Variants in TMC2 observed in about 807,000 individuals in gnomAD.
TMC2 encodes transmembrane channel like 2.
A neutral mutation model predicts 105.9 loss-of-function variants in TMC2; 102 were observed. That is an observed-to-expected ratio of 0.96 (90% CI 0.82 to 1.14). TMC2 has a LOEUF of 1.14. TMC2 is among the 50% of genes most tolerant of loss of function. The pLI, the probability that TMC2 is intolerant of heterozygous loss-of-function variation, is 0.00. For missense variants in TMC2, 1,093 were observed against 1,134.3 expected (o/e 0.96, Z 0.52); for synonymous variants, 402 against 422.8 (o/e 0.95, Z 0.60).
In TMC2 at chr20:2,612,185, T is replaced by C. The variant is rs746640531; in HGVS notation, c.1594-6T>C. 2 of 1,592,310 alleles carry C rather than the reference T, an allele frequency of 1.3e-6. No individual in the cohort carries two copies. The highest frequency in any genetic ancestry group is 1.7e-6 in the Non-Finnish European group (2 of 1,164,602). On this transcript the variant is annotated splice_polypyrimidine_tract_variant and splice_region_variant and intron_variant, in intron 12 of 19. Transcript: ENST00000358864. ...TCCTACCCCACACCTCCATCTTCTG[T>C]TCTAGCTTGCTAATGAAGAGACAAT...
chr20:2,627,054 C>T (rs1407846516), intron 17 of TMC2, among the ~76,000 whole-genome samples: 1 of 152,142 alleles, frequency 6.6e-6, no homozygotes, highest in Non-Finnish European at 1.5e-5. Context: ...ATGTGCCTAA[C>T]CACAAGAAAC....
Position 2,616,434 on chromosome 20 carries a change from A to G in TMC2, c.1940+230A>G, listed in dbSNP as rs145096956. On this transcript the variant is annotated intron_variant, in intron 15 of 19. Coordinates refer to ENST00000358864, the MANE Select transcript of TMC2 (RefSeq NM_080751.3). This position sits in a 1 kb window ranked among gnomAD's most constrained non-coding sequence, Gnocchi z 4.8. ...GAGAGAAAGGGAGAGGGGTTGGTGG[A>G]GGAGAAAAGGAAAAGGAAGGAAGGC... is the stretch of plus-strand genomic sequence containing the variant. 0.021 allele frequency among the ~76,000 whole-genome samples: 3,177 copies of G among 151,936 alleles called. 106 individuals are homozygous for G. The highest frequency in any genetic ancestry group is 0.07 in the African/African-American group (2,892 of 41,294).
At chr20:2,537,932 C>T (rs1384163363) in intron 2 of TMC2, among the ~76,000 whole-genome samples, 1 of 152,266 alleles carries the variant, frequency 6.6e-6, no homozygotes, top group East Asian at 1.9e-4. Context: ...GTTTTCTCCC[C>T]CTTCACGTCC....
In TMC2 at chr20:2,572,651, G is replaced by T. The variant is rs544511046; in HGVS notation, c.645+382G>T. Among the ~76,000 whole-genome samples the T allele has an allele frequency of 1.6e-3, 244 of 152,306 alleles. 1 individual carries two copies. Among genetic ancestry groups the T allele is most frequent in the African/African-American group, 5.6e-3 (234 of 41,574 alleles). On this transcript the variant is annotated intron_variant, in intron 5 of 19. Coordinates refer to ENST00000358864, the MANE Select transcript of TMC2 (RefSeq NM_080751.3). ...TGGATGATAAACAGCGATGTCCCCAGACGGATGGGGGCAGCTCTGTTTTGT... is the reference window on the plus strand; with the variant it reads ...TGGATGATAAACAGCGATGTCCCCATACGGATGGGGGCAGCTCTGTTTTGT...
At chr20:2,594,225 C>CTTGTTTTTTT (rs2086288158) in intron 8 of TMC2, among the ~76,000 whole-genome samples, 1 of 113,760 alleles carries the variant, frequency 8.8e-6, no homozygotes, top group Non-Finnish European at 1.8e-5. Context: ...CTAAGGATTC[C>CTTGTTTTTTT]TTTTTTTTTT....
At chr20:2,539,391 G>GAAAA (rs1369631144) in intron 2 of TMC2, among the ~76,000 whole-genome samples, 1 of 152,002 alleles carries the variant, frequency 6.6e-6, no homozygotes, top group Admixed American at 6.6e-5. Context: ...TTACAGCTCA[G>GAAAA]AAAAAAAATT....
chr20:2,610,473 A>G lies in TMC2; in HGVS notation c.1468A>G (p.Ile490Val). The G allele has an allele frequency of 6.2e-7, 1 of 1,613,678 alleles. No individual in the cohort carries two copies. The change falls in exon 12 of 20, where the codon ATC becomes GTC. Residue 490 changes from isoleucine (I) to valine (V), a missense_variant. By Grantham distance (29) the Ile-to-Val change is conservative (BLOSUM62 3). Transcript: ENST00000358864. Reference sequence around the variant, plus strand: ...GTTTTGTCCCCCTCTGTTTGAAACCATCGCTGCCCTGGAGAATTACCACCC... The same window carrying G: ...GTTTTGTCCCCCTCTGTTTGAAACCGTCGCTGCCCTGGAGAATTACCACCC... ...GMFCPPLFET[I>V]AALENYHPRT...
intron 19 of TMC2, among the ~76,000 whole-genome samples, chr20:2,640,856 C>G (rs529298911): frequency 6.6e-6 from 1 of 152,250 alleles, no homozygotes; most frequent in East Asian, 1.9e-4. Context: ...TTATTCTTGT[C>G]CCAATTTTGT....
chr20:2,618,630 T>G (rs1405766723), intron 16 of TMC2, among the ~76,000 whole-genome samples: 2 of 152,190 alleles, frequency 1.3e-5, no homozygotes, highest in African/African-American at 2.4e-5. Context: ...AGACTAGATA[T>G]TGTATAAAAA....
chr20:2,540,227 G>T (rs1038908138), intron 2 of TMC2, among the ~76,000 whole-genome samples: 1 of 151,544 alleles, frequency 6.6e-6, no homozygotes, highest in African/African-American at 2.4e-5. Flanking sequence ...CATACCTCGT[G>T]ATCCACCCGC....
rs1491011209 is a variant in TMC2, at chr20:2,576,911, TTG to T, written c.646-2233_646-2232del. ...GGGGTTTCTTCTTGGTTTTTTTTTT[TTG>T]TTTTTTTTTTTTTGAGATGGAGTCT... On this transcript the variant is annotated intron_variant, in intron 5 of 19. Coordinates refer to ENST00000358864, the MANE Select transcript of TMC2 (RefSeq NM_080751.3). 3.8e-3 allele frequency among the ~76,000 whole-genome samples: 357 copies of T among 95,136 alleles called. 6 individuals carry two copies. Among genetic ancestry groups the T allele is most frequent in the African/African-American group, 0.013 (263 of 20,380 alleles). The allele number at this position is 95,136 out of a possible 152,430, so 62.4% of individuals were successfully genotyped here. A position where few individuals can be genotyped will look rare whatever the true frequency, so the allele number is the denominator to read the frequency against.
At chr20:2,579,839 G>A (rs981514351) in intron 6 of TMC2, 111 bp from the exon 7 acceptor site, 3 of 643,254 alleles carry the variant, frequency 4.7e-6, no homozygotes, top group Non-Finnish European at 5.5e-6. Flanking sequence ...AGATCCAGGT[G>A]TCATTCAACA....
intron 11 of TMC2, among the ~76,000 whole-genome samples, chr20:2,602,720 T>C (rs1019650783): frequency 6.6e-6 from 1 of 152,266 alleles, no homozygotes; most frequent in African/African-American, 2.4e-5. Flanking sequence ...TCTTAATATC[T>C]GATAGAGCGA....
intron 17 of TMC2, among the ~76,000 whole-genome samples, chr20:2,635,450 T>C (rs1487741642): frequency 6.6e-6 from 1 of 152,204 alleles, no homozygotes; most frequent in Non-Finnish European, 1.5e-5. Context: ...GGCAAATTAT[T>C]TAACCTCACT....
At chr20:2,626,783 A>G (rs17228085) in intron 17 of TMC2, among the ~76,000 whole-genome samples, 17,861 of 152,190 alleles carry the variant, frequency 0.12, 1,198 homozygotes, top group Middle Eastern at 0.17. Context: ...GTGTTTACCA[A>G]TTCCCTCCTG....
rs2086696856 is a variant in TMC2, at chr20:2,642,623, G to C, written c.*1272G>C. ...GTTCTATGCAGAATATTTCTTAGGG[G>C]GAAGAAGCCAGGGGCCAGACCATTA... On this transcript the variant is annotated 3_prime_UTR_variant, in exon 20 of 20. Coordinates refer to ENST00000358864, the MANE Select transcript of TMC2 (RefSeq NM_080751.3). Among the ~76,000 whole-genome samples the C allele has an allele frequency of 6.6e-6, 1 of 152,092 alleles. No homozygotes were observed. Among genetic ancestry groups the C allele is most frequent in the Admixed American group, 6.6e-5 (1 of 15,266 alleles).
intron 18 of TMC2, 144 bp from the exon 19 acceptor site, chr20:2,637,330 G>A: frequency 1.8e-6 from 1 of 554,280 alleles, no homozygotes; most frequent in East Asian, 3.1e-5. Context: ...AGAGATTGCA[G>A]TGAGCCGAGT....
chr20:2,628,465 G>T (rs1160953563), intron 17 of TMC2, among the ~76,000 whole-genome samples: 1 of 151,974 alleles, frequency 6.6e-6, no homozygotes, highest in Admixed American at 6.6e-5. Context: ...GTTAGGCTTT[G>T]TGCCCCCATC....
chr20:2,575,265 GT>G (rs1165374798), intron 5 of TMC2, among the ~76,000 whole-genome samples: 1 of 152,072 alleles, frequency 6.6e-6, no homozygotes, highest in East Asian at 1.9e-4. Context: ...GGATCCATGT[GT>G]TTTTTAAAAT....
Sources: allele counts gnomAD v4.1 joint callset (sites outside exome capture counted in the v4.1 genomes callset), GRCh38; gene constraint gnomAD v4.1.1; non-coding constraint Gnocchi (gnomAD v3.1); transcripts MANE v1.5; gene names NCBI Gene and HGNC (gene_info 2026-07-23, HGNC 2026-07-21).